The following RBM46 variants were observed in gnomAD, a reference collection of about 807,000 sequenced individuals.
RBM46 encodes probable RNA-binding protein 46.
In RBM46, 12 loss-of-function variants were observed where a neutral mutation model predicts 43.3. The observed-to-expected ratio is 0.28, with a 90% confidence interval of 0.18 to 0.45. The LOEUF (loss-of-function observed/expected upper bound fraction) is 0.45, where lower values mean the gene tolerates loss of function less well. RBM46 is among the 20% of genes least tolerant of loss of function. The pLI, the probability that RBM46 is intolerant of heterozygous loss-of-function variation, is 1.00. For synonymous variants in RBM46, 205 were observed against 207.6 expected (o/e 0.99, Z 0.11); for missense variants, 412 against 639.1 (o/e 0.64, Z 3.83).
chr4:154,795,222 T>C (rs1455616410), intron 1 of RBM46, among the ~76,000 whole-genome samples: 1 of 152,218 alleles, frequency 6.6e-6, no homozygotes, highest in Non-Finnish European at 1.5e-5. Context: ...CTACTTATTA[T>C]AGACAGGTAA....
chr4:154,794,623 A>G (rs1175853322), intron 1 of RBM46, among the ~76,000 whole-genome samples: 3 of 152,182 alleles, frequency 2.0e-5, no homozygotes, highest in African/African-American at 7.2e-5. Context: ...GAAGTTACCT[A>G]ACTTACAAGG....
At chr4:154,820,951 AATGATGTTTTCTAGG>A (rs2111209454) in intron 4 of RBM46, among the ~76,000 whole-genome samples, 1 of 151,950 alleles carries the variant, frequency 6.6e-6, no homozygotes, top group African/African-American at 2.4e-5. Flanking sequence ...GAGGCAAAAG[AATGATGTTTTCTAGG>A]ATGTAATTCA....
At chr4:154,801,104 G>A (rs1207947342) in intron 4 of RBM46, among the ~76,000 whole-genome samples, 1 of 151,624 alleles carries the variant, frequency 6.6e-6, no homozygotes, top group Non-Finnish European at 1.5e-5. Context: ...TCAGCCTCCT[G>A]AGTAGCTGGG....
In RBM46 at chr4:154,828,081, A is replaced by G. The variant is rs971370354; in HGVS notation, c.*14A>G. On this transcript the variant is annotated 3_prime_UTR_variant, in exon 5 of 5. Transcript: ENST00000281722. Reference sequence around the variant, plus strand: ...TCCTTCTTCTGAAGAAAATACTAACATTAGTATGAAAATTTGTGTAAATTT... The same window carrying G: ...TCCTTCTTCTGAAGAAAATACTAACGTTAGTATGAAAATTTGTGTAAATTT... The G allele has an allele frequency of 2.0e-6, 3 of 1,529,192 alleles. No homozygotes were observed. The highest frequency in any genetic ancestry group is 2.7e-6 in the Non-Finnish European group (3 of 1,103,686). The allele number at this position is 1,529,192 out of a possible 1,614,324, so 94.7% of individuals were successfully genotyped here.
chr4:154,820,219 C>T, intron 4 of RBM46: 4 of 430,908 alleles, frequency 9.3e-6, no homozygotes, highest in Middle Eastern at 3.1e-4. Flanking sequence ...ACTATTTGCC[C>T]CTTACTTCTT....
intron 4 of RBM46, among the ~76,000 whole-genome samples, chr4:154,802,476 TAA>T (rs1401090651): frequency 6.6e-6 from 1 of 152,234 alleles, no homozygotes; most frequent in Admixed American, 6.5e-5. Context: ...CTCTGGGTTT[TAA>T]AAGGTTGATG....
At chr4:154,827,477 A>AT in intron 4 of RBM46, 1 of 1,004,452 alleles carries the variant, frequency 1.0e-6, no homozygotes, top group Non-Finnish European at 1.2e-6. Context: ...GAAAAAAAAA[A>AT]AGCAAATATG....
At chr4:154,821,737 C>G (rs1198990266) in intron 4 of RBM46, among the ~76,000 whole-genome samples, 2 of 151,496 alleles carry the variant, frequency 1.3e-5, no homozygotes, top group African/African-American at 4.8e-5. Context: ...AGATTTTGTT[C>G]TGTTTTGTTT....
At chr4:154,790,259 T>A (rs1412413778) in intron 1 of RBM46, 2 of 152,320 alleles carry the variant, frequency 1.3e-5, no homozygotes, top group African/African-American at 2.4e-5. Flanking sequence ...TTAATTGTGA[T>A]GTTAGGGTGT....
Position 154,789,536 on chromosome 4 carries a change from G to A in RBM46, c.-11-7206G>A, listed in dbSNP as rs2111100591. ...CTGGGGATGAAGCCCACTTGATCAT[G>A]GTGGATAAGCTTTTTGATGTGCTGC... On this transcript the variant is annotated intron_variant, in intron 1 of 4. Coordinates refer to ENST00000281722, the MANE Select transcript of RBM46 (RefSeq NM_144979.5). 2.6e-5 allele frequency among the ~76,000 whole-genome samples: 4 copies of A among 152,272 alleles called. No homozygotes were observed. The South Asian group carries it at 8.3e-4, about 32-fold the overall frequency.
At chr4:154,809,490 G>GAT (rs1201201876) in intron 4 of RBM46, among the ~76,000 whole-genome samples, 1 of 152,024 alleles carries the variant, frequency 6.6e-6, no homozygotes, top group African/African-American at 2.4e-5. Flanking sequence ...CAAGTATTTA[G>GAT]ATAGGAGGCA....
chr4:154,805,926 C>G (rs1003396789), intron 4 of RBM46, among the ~76,000 whole-genome samples: 1 of 151,754 alleles, frequency 6.6e-6, no homozygotes, highest in African/African-American at 2.4e-5. Context: ...TTGGATGATA[C>G]TATTCAAACT....
chr4:154,820,221 T>G, intron 4 of RBM46: 1 of 435,044 alleles, frequency 2.3e-6, no homozygotes, highest in East Asian at 3.5e-5. Context: ...TATTTGCCCC[T>G]TACTTCTTTT....
At chr4:154,800,581 T>C (rs1378317322) in intron 4 of RBM46, among the ~76,000 whole-genome samples, 1 of 152,180 alleles carries the variant, frequency 6.6e-6, no homozygotes, top group Non-Finnish European at 1.5e-5. Flanking sequence ...TTTCCTACTT[T>C]CTGTTTTTTA....
intron 1 of RBM46, chr4:154,782,026 AGCCTCGAACTTT>A (rs1733507407): frequency 1.3e-5 from 2 of 152,492 alleles, no homozygotes; most frequent in South Asian, 4.1e-4. Flanking sequence ...GCCGGGACTG[AGCCTCGAACTTT>A]ACTTTGCCTT....
At chr4:154,820,510 T>C (rs1735674231) in intron 4 of RBM46, 4 of 667,284 alleles carry the variant, frequency 6.0e-6, no homozygotes, top group Non-Finnish European at 7.1e-6. Context: ...TTCTTTATAA[T>C]GAAAAGAATG....
At chr4:154,823,553 G>T (rs568993109) in intron 4 of RBM46, among the ~76,000 whole-genome samples, 1 of 151,916 alleles carries the variant, frequency 6.6e-6, no homozygotes, top group African/African-American at 2.4e-5. Flanking sequence ...TCACTTTAAA[G>T]TCTCTATTAA....
intron 4 of RBM46, among the ~76,000 whole-genome samples, chr4:154,800,031 A>C (rs1734552243): frequency 6.6e-6 from 1 of 152,112 alleles, no homozygotes; most frequent in Non-Finnish European, 1.5e-5. Context: ...TCGGCCTCCC[A>C]AAGTGCTGGG....
intron 4 of RBM46, among the ~76,000 whole-genome samples, chr4:154,804,107 A>G (rs559232410): frequency 1.3e-5 from 2 of 152,318 alleles, no homozygotes; most frequent in South Asian, 2.1e-4. Context: ...CCTTCCCAGT[A>G]GCCTAGCAGA....
Sources: allele counts gnomAD v4.1 joint callset (sites outside exome capture counted in the v4.1 genomes callset), GRCh38; gene constraint gnomAD v4.1.1; transcripts MANE v1.5; gene names NCBI Gene and HGNC (gene_info 2026-07-23, HGNC 2026-07-21).